The following PCDHGA1 variants were observed in gnomAD, a reference collection of about 807,000 sequenced individuals.
PCDHGA1 encodes the protein protocadherin gamma-A1.
Under a neutral mutation model 58.0 loss-of-function variants are expected in PCDHGA1, and 32 were observed. That is an observed-to-expected ratio of 0.55 (90% CI 0.42 to 0.74). The LOEUF (loss-of-function observed/expected upper bound fraction) is 0.74, where lower values mean the gene tolerates loss of function less well. Ranked by LOEUF, PCDHGA1 falls within the 30% of genes least tolerant of loss-of-function variation. The pLI is 0.00. For missense variants in PCDHGA1, 1,205 were observed against 1,182.3 expected (o/e 1.02, Z -0.28); for synonymous variants, 498 against 501.1 (o/e 0.99, Z 0.08).
At chr5:141,473,002 GAA>G (rs2099311273) in intron 1 of PCDHGA1, among the ~76,000 whole-genome samples, 1 of 143,872 alleles carries the variant, frequency 7.0e-6, no homozygotes, top group East Asian at 2.0e-4. Flanking sequence ...AAAAAAGAAA[GAA>G]AAAGAAAAAG....
chr5:141,409,481 A>G (rs1589715212), intron 1 of PCDHGA1: 1 of 1,613,968 alleles, frequency 6.2e-7, no homozygotes, highest in Non-Finnish European at 8.5e-7. Context: ...AGCCACTGAC[A>G]GGGGCAAGCC....
intron 1 of PCDHGA1, among the ~76,000 whole-genome samples, chr5:141,469,731 C>A (rs1332201791): frequency 6.6e-6 from 1 of 152,214 alleles, no homozygotes; most frequent in Non-Finnish European, 1.5e-5. Context: ...ATCATAAATA[C>A]ACACCTCAAA....
chr5:141,341,150 G>A, intron 1 of PCDHGA1: 9 of 1,614,240 alleles, frequency 5.6e-6, no homozygotes, highest in African/African-American at 2.7e-5. Flanking sequence ...CCTGCTGCAG[G>A]CTTCAGGAGG....
chr5:141,457,413 A>C (rs939244132), intron 1 of PCDHGA1, among the ~76,000 whole-genome samples: 6 of 152,142 alleles, frequency 3.9e-5, no homozygotes, highest in Non-Finnish European at 5.9e-5. Flanking sequence ...CACATTACCC[A>C]TCCCTTTTTC....
chr5:141,481,179 T>C (rs115525079), intron 1 of PCDHGA1, among the ~76,000 whole-genome samples: 16 of 152,358 alleles, frequency 1.1e-4, no homozygotes, highest in African/African-American at 3.6e-4. Flanking sequence ...TCCAGCTTTA[T>C]TGGGCCAGGC....
At chr5:141,369,970 G>T (rs1204473207) in intron 1 of PCDHGA1, among the ~76,000 whole-genome samples, 5 of 152,088 alleles carry the variant, frequency 3.3e-5, no homozygotes, top group Non-Finnish European at 7.4e-5. Context: ...ACAAGTAAAA[G>T]GTACTTGATT....
At chr5:141,472,017 T>C (rs2154571143) in intron 1 of PCDHGA1, among the ~76,000 whole-genome samples, 1 of 152,290 alleles carries the variant, frequency 6.6e-6, no homozygotes, top group South Asian at 2.1e-4. Context: ...GGGCACTATA[T>C]TGTATGTAGA....
chr5:141,370,551 G>A, intron 1 of PCDHGA1: 18 of 1,613,928 alleles, frequency 1.1e-5, no homozygotes, highest in Non-Finnish European at 1.4e-5. Context: ...CCTCGCCAAG[G>A]ACCTGGGGTT....
intron 1 of PCDHGA1, among the ~76,000 whole-genome samples, chr5:141,457,005 A>T (rs2098903361): frequency 6.6e-6 from 1 of 152,146 alleles, no homozygotes; most frequent in Admixed American, 6.5e-5. Flanking sequence ...TGCATTACTA[A>T]ATCCAATAAA....
chr5:141,494,820 AC>A lies in PCDHGA1; in HGVS notation c.2436del (p.Asn812LysfsTer39). 6.2e-7 allele frequency: 1 copy of A among 1,613,988 alleles called. No homozygotes were observed. The highest frequency in any genetic ancestry group is 2.2e-5 in the East Asian group (1 of 44,874). On this transcript the variant is annotated frameshift_variant, in exon 2 of 4. Coordinates refer to ENST00000517417, the MANE Select transcript of PCDHGA1 (RefSeq NM_018912.3). LOFTEE classifies it high-confidence loss of function. ...TTTTCTCCACAGCAAGCCCCGCCCA[AC>A]ACGGACTGGCGTTTCTCTCAGGCCC... ...KEPFSQQAPP[N>X]TDWRFSQAQR...
At chr5:141,365,516 A>C (rs778402977) in intron 1 of PCDHGA1, 1 of 1,613,878 alleles carries the variant, frequency 6.2e-7, no homozygotes, top group South Asian at 1.1e-5. Flanking sequence ...TAAATTGGAG[A>C]AGTCAGTTGA....
intron 1 of PCDHGA1, chr5:141,414,421 A>C (rs1250470349): frequency 6.2e-7 from 1 of 1,613,894 alleles, no homozygotes; most frequent in East Asian, 2.2e-5. Context: ...AGCCCTTGAC[A>C]GGGAACAGGT....
rs1594951324 is a variant in PCDHGA1, at chr5:141,490,871, T to G, written c.2422-3936T>G. 6.2e-7 allele frequency: 1 copy of G among 1,613,918 alleles called. No individual in the cohort carries two copies. The highest frequency in any genetic ancestry group is 8.5e-7 in the Non-Finnish European group (1 of 1,179,944). On this transcript the variant is annotated intron_variant, in intron 1 of 3. Coordinates refer to ENST00000517417, the MANE Select transcript of PCDHGA1 (RefSeq NM_018912.3). This position sits in a 1 kb window ranked among gnomAD's most constrained non-coding sequence, Gnocchi z 5.4. ...GTTCGAGACTCCGGCTCTCCCCCAT[T>G]GCATGCCAACACATCTCTGCATGTG...
At chr5:141,452,742 G>C (rs779371001) in intron 1 of PCDHGA1, among the ~76,000 whole-genome samples, 7 of 152,010 alleles carry the variant, frequency 4.6e-5, no homozygotes, top group Non-Finnish European at 8.8e-5. Context: ...GGAAGAGAGA[G>C]AAGGAAGAAG....
chr5:141,340,199 C>G (rs759084093), intron 1 of PCDHGA1: 1 of 1,614,056 alleles, frequency 6.2e-7, no homozygotes, highest in East Asian at 2.2e-5. Context: ...AACCAGAGCC[C>G]TTGACAGGGA....
intron 1 of PCDHGA1, among the ~76,000 whole-genome samples, chr5:141,358,420 A>G (rs1420796908): frequency 6.6e-6 from 1 of 152,090 alleles, no homozygotes; most frequent in Non-Finnish European, 1.5e-5. Flanking sequence ...TTGAAAGGGT[A>G]TTTTCCATTA....
In PCDHGA1 at chr5:141,511,402, A is replaced by C; in HGVS notation, c.*229A>C. On this transcript the variant is annotated 3_prime_UTR_variant, in exon 4 of 4. Transcript: ENST00000517417. Reference sequence around the variant, plus strand: ...TTCCGCTGGGAACCCCCATCCAATCAACTGCTGTACCCATGGGGGTAGTGG... The same window carrying C: ...TTCCGCTGGGAACCCCCATCCAATCCACTGCTGTACCCATGGGGGTAGTGG... The C allele has an allele frequency of 1.0e-6, 1 of 969,684 alleles. No individual in the cohort carries two copies. 60.1% of individuals were successfully genotyped at this position (969,684 alleles called of 1,614,324 possible).
In PCDHGA1 at chr5:141,332,634, C is replaced by G; in HGVS notation, c.1950C>G (p.Gly650=). ...TCGTGGTGGCCGTCCAGGACCACGGCCAGCCCCCGCTCTCCGCCACTGTCA... is the reference window on the plus strand; with the variant it reads ...TCGTGGTGGCCGTCCAGGACCACGGGCAGCCCCCGCTCTCCGCCACTGTCA... ...QSLVVAVQDH[G]QPPLSATVTL... Residue 650 remains glycine, a synonymous_variant, in exon 1 of 4, where the codon GGC becomes GGG. Coordinates refer to ENST00000517417, the MANE Select transcript of PCDHGA1 (RefSeq NM_018912.3). The surrounding 1 kb of genome is among the most constrained non-coding windows in gnomAD (Gnocchi z 4.6). The G allele has an allele frequency of 6.2e-7, 1 of 1,612,864 alleles. No homozygotes were observed. The highest frequency in any genetic ancestry group is 8.5e-7 in the Non-Finnish European group (1 of 1,179,782).
intron 1 of PCDHGA1, among the ~76,000 whole-genome samples, chr5:141,354,044 T>C (rs1441545131): frequency 6.6e-6 from 1 of 152,238 alleles, no homozygotes; most frequent in African/African-American, 2.4e-5. Flanking sequence ...CGATGGCACA[T>C]GCAATGATAA....
Sources: gnomAD v4.1 joint callset for allele counts (sites outside exome capture counted in the v4.1 genomes callset) on GRCh38, gnomAD v4.1.1 for gene constraint, Gnocchi (gnomAD v3.1) non-coding constraint, MANE v1.5 for transcripts, NCBI Gene and HGNC (gene_info 2026-07-23, HGNC 2026-07-21) for gene names.